PCDH15: variants seen among roughly 807,000 people sequenced by gnomAD.
The protein encoded by PCDH15 is protocadherin-15.
A neutral mutation model predicts 178.5 loss-of-function variants in PCDH15; 129 were observed. That is an observed-to-expected ratio of 0.72 (90% CI 0.63 to 0.84). PCDH15 has a LOEUF of 0.84. Ranked by LOEUF, PCDH15 falls within the 40% of genes least tolerant of loss-of-function variation. The pLI is 0.00. For missense variants in PCDH15, 2,230 were observed against 2,099.9 expected (o/e 1.06, Z -1.21); for synonymous variants, 800 against 732.0 (o/e 1.09, Z -1.50).
intron 2 of PCDH15, among the ~76,000 whole-genome samples, chr10:55,408,478 C>T (rs1021545388): frequency 6.6e-6 from 1 of 151,934 alleles, no homozygotes; most frequent in Admixed American, 6.6e-5. Flanking sequence ...GGCACCTGGC[C>T]CTGTCATAAC....
chr10:55,147,046 A>G (rs1838534804), intron 2 of PCDH15, among the ~76,000 whole-genome samples: 1 of 151,750 alleles, frequency 6.6e-6, no homozygotes, highest in African/African-American at 2.4e-5. Flanking sequence ...ACAATTACCA[A>G]TTGAGCAATT....
intron 37 of PCDH15, chr10:53,808,736 T>A (rs562010019): frequency 2.5e-6 from 4 of 1,613,162 alleles, no homozygotes; most frequent in Non-Finnish European, 3.4e-6. Flanking sequence ...CCTGGCGACT[T>A]CTTTTGGTTT....
intron 16 of PCDH15, among the ~76,000 whole-genome samples, chr10:54,084,728 C>T (rs935731139): frequency 5.3e-5 from 8 of 152,048 alleles, no homozygotes; most frequent in Non-Finnish European, 1.0e-4. Flanking sequence ...TAGGAAATAC[C>T]GATGCAGCAT....
At chr10:55,054,591 G>A (rs1591862877) in intron 2 of PCDH15, among the ~76,000 whole-genome samples, 1 of 152,142 alleles carries the variant, frequency 6.6e-6, no homozygotes, top group African/African-American at 2.4e-5. Flanking sequence ...ATAGGTCTTT[G>A]AGGAATCTCC....
intron 2 of PCDH15, among the ~76,000 whole-genome samples, chr10:54,636,674 G>A (rs1412240570): frequency 6.6e-6 from 1 of 151,772 alleles, no homozygotes; most frequent in African/African-American, 2.4e-5. Flanking sequence ...AGAAGAACAT[G>A]GGCAGGAGGT....
intron 3 of PCDH15, among the ~76,000 whole-genome samples, chr10:54,509,268 T>A (rs987877379): frequency 6.6e-6 from 1 of 152,040 alleles, no homozygotes; most frequent in Non-Finnish European, 1.5e-5. Flanking sequence ...AATTGAATCA[T>A]GGGGGTGGTT....
intron 2 of PCDH15, among the ~76,000 whole-genome samples, chr10:54,593,194 CT>C (rs1433367502): frequency 1.3e-5 from 2 of 152,024 alleles, no homozygotes; most frequent in Admixed American, 6.6e-5. Flanking sequence ...CACTTCTATA[CT>C]TTTGTTTTTG....
intron 1 of PCDH15, among the ~76,000 whole-genome samples, chr10:55,207,917 C>T (rs539608650): frequency 3.9e-5 from 6 of 152,102 alleles, no homozygotes; most frequent in South Asian, 2.1e-4. Flanking sequence ...TGCAGTGAGG[C>T]GAGGCTGCAC....
intron 2 of PCDH15, among the ~76,000 whole-genome samples, chr10:55,417,126 T>A (rs1325892454): frequency 1.3e-5 from 2 of 151,816 alleles, no homozygotes; most frequent in African/African-American, 4.8e-5. Flanking sequence ...GGAAATTGTA[T>A]CATATTCAAA....
At chr10:54,215,173 T>A (rs544056078) in intron 9 of PCDH15, among the ~76,000 whole-genome samples, 1 of 99,810 alleles carries the variant, frequency 1.0e-5, no homozygotes, top group South Asian at 2.6e-4. Context: ...CTTGGGAGAC[T>A]GGGGAGATTA....
At chr10:55,082,148 C>T (rs763311419) in intron 2 of PCDH15, among the ~76,000 whole-genome samples, 8 of 152,128 alleles carry the variant, frequency 5.3e-5, no homozygotes, top group Admixed American at 3.3e-4. Flanking sequence ...GCAAATGGAT[C>T]ATCCTCAAGG....
At chr10:55,286,291 T>C (rs1292322925) in intron 1 of PCDH15, among the ~76,000 whole-genome samples, 1 of 151,968 alleles carries the variant, frequency 6.6e-6, no homozygotes, top group Non-Finnish European at 1.5e-5. Flanking sequence ...CTGTATTTTA[T>C]CTAATTGCTA....
At chr10:54,029,439 G>A (rs1056989072) in intron 18 of PCDH15, among the ~76,000 whole-genome samples, 1 of 152,070 alleles carries the variant, frequency 6.6e-6, no homozygotes, top group African/African-American at 2.4e-5. Context: ...ACACATTTTT[G>A]TAATATACAC....
At chr10:54,476,320 A>G (rs1214234967) in intron 3 of PCDH15, among the ~76,000 whole-genome samples, 1 of 151,986 alleles carries the variant, frequency 6.6e-6, no homozygotes, top group African/African-American at 2.4e-5. Context: ...AGAAAGTACC[A>G]TGACTGACTG....
chr10:54,743,889 T>C (rs1332008857), intron 1 of PCDH15, among the ~76,000 whole-genome samples: 2 of 152,108 alleles, frequency 1.3e-5, no homozygotes, highest in African/African-American at 4.8e-5. Flanking sequence ...TCCATATCCA[T>C]ATACTTTGTA....
At chr10:53,903,896 T>C (rs188946086) in intron 25 of PCDH15, among the ~76,000 whole-genome samples, 1 of 152,266 alleles carries the variant, frequency 6.6e-6, no homozygotes, top group East Asian at 1.9e-4. Context: ...TTTCCACAAA[T>C]GGAAAACAAG....
intron 2 of PCDH15, among the ~76,000 whole-genome samples, chr10:54,937,192 C>G (rs955631687): frequency 6.6e-5 from 10 of 151,834 alleles, no homozygotes; most frequent in Admixed American, 1.3e-4. Flanking sequence ...ATGTCAAGAT[C>G]ATACTTTTGA....
intron 2 of PCDH15, among the ~76,000 whole-genome samples, chr10:55,604,828 T>G (rs1323878884): frequency 2.3e-5 from 3 of 130,598 alleles, no homozygotes; most frequent in African/African-American, 8.7e-5. Flanking sequence ...ACATCACAAT[T>G]AAAAGAACTA....
chr10:54,332,168 A>T (rs1939750432), intron 6 of PCDH15, among the ~76,000 whole-genome samples: 1 of 144,598 alleles, frequency 6.9e-6, no homozygotes, highest in African/African-American at 2.5e-5. Flanking sequence ...ATCTCTGAAA[A>T]ACTTATTATG....
Sources: gnomAD v4.1 joint callset for allele counts (sites outside exome capture counted in the v4.1 genomes callset) on GRCh38, gnomAD v4.1.1 for gene constraint, MANE v1.5 for transcripts, NCBI Gene and HGNC (gene_info 2026-07-23, HGNC 2026-07-21) for gene names.